The following TOX variants were observed in gnomAD, a reference collection of about 807,000 sequenced individuals.
TOX encodes the protein thymocyte selection-associated high mobility group box protein TOX.
Under a neutral mutation model 53.7 loss-of-function variants are expected in TOX, and 11 were observed. The observed-to-expected ratio is 0.20, with a 90% CI of 0.13 to 0.34. The LOEUF (loss-of-function observed/expected upper bound fraction) is 0.34, where lower values mean the gene tolerates loss of function less well. Among genes scored for constraint, TOX ranks in the 10% least tolerant of loss-of-function variants. TOX has a pLI of 1.00. For synonymous variants in TOX, 225 were observed against 245.3 expected, an observed-to-expected ratio of 0.92 and a Z score of 0.77; for missense variants, 570 against 664.6, an observed-to-expected ratio of 0.86 and a Z score of 1.56.
intron 5 of TOX, among the ~76,000 whole-genome samples, chr8:58,830,365 A>T (rs1427482525): frequency 6.6e-6 from 1 of 152,186 alleles, no homozygotes; most frequent in Non-Finnish European, 1.5e-5. Flanking sequence ...ACTAAAACAT[A>T]CGTAGATAGT....
chr8:58,992,345 G>T (rs1481324130), intron 1 of TOX, among the ~76,000 whole-genome samples: 1 of 152,038 alleles, frequency 6.6e-6, no homozygotes, highest in Non-Finnish European at 1.5e-5. Context: ...ATGCATCAAT[G>T]ATTTCAAAAA....
chr8:59,033,286 C>T (rs1335920111), intron 1 of TOX, among the ~76,000 whole-genome samples: 2 of 152,198 alleles, frequency 1.3e-5, no homozygotes, highest in African/African-American at 4.8e-5. Flanking sequence ...CATTCTATTG[C>T]CAGGCTGGTG....
chr8:59,071,022 A>C (rs1355391842), intron 1 of TOX, among the ~76,000 whole-genome samples: 2 of 152,254 alleles, frequency 1.3e-5, no homozygotes, highest in African/African-American at 4.8e-5. Flanking sequence ...GAGTGCACCT[A>C]CACAAGGGAA....
At chr8:59,003,773 A>G (rs1442577228) in intron 1 of TOX, among the ~76,000 whole-genome samples, 2 of 152,192 alleles carry the variant, frequency 1.3e-5, no homozygotes, top group African/African-American at 2.4e-5. Context: ...CCTTTGCTCA[A>G]TCCATCTTAG....
intron 3 of TOX, among the ~76,000 whole-genome samples, chr8:58,910,155 A>T (rs962039563): frequency 6.6e-6 from 1 of 152,236 alleles, no homozygotes; most frequent in Non-Finnish European, 1.5e-5. Flanking sequence ...TTTTGAAGTT[A>T]TTGCAATAGT....
chr8:58,805,608 G>C lies in TOX; in HGVS notation c.*2139C>G, dbSNP rs1011040282. 2 of 152,532 alleles carry C rather than the reference G, an allele frequency of 1.3e-5. No homozygotes were observed. Among genetic ancestry groups the C allele is most frequent in the Non-Finnish European group, 2.9e-5 (2 of 68,030 alleles). 9.4% of individuals were successfully genotyped at this position (152,532 alleles called of 1,614,324 possible). A position where few individuals can be genotyped will look rare whatever the true frequency, so the allele number is the denominator to read the frequency against. On this transcript the variant is annotated 3_prime_UTR_variant, in exon 9 of 9. Transcript: ENST00000361421. ...GTCAAAGCTGCTCATTCTCCTCCCA[G>C]TAATTACCTTCTCAGTTTAGACTTA...
intron 1 of TOX, among the ~76,000 whole-genome samples, chr8:58,960,610 T>C (rs1357269429): frequency 1.3e-5 from 2 of 152,190 alleles, no homozygotes; most frequent in Non-Finnish European, 2.9e-5. Flanking sequence ...CACAATGAAA[T>C]ACTCCTTTTT....
chr8:59,019,211 G>C (rs1269247168), intron 1 of TOX, among the ~76,000 whole-genome samples: 1 of 152,128 alleles, frequency 6.6e-6, no homozygotes, highest in Admixed American at 6.6e-5. Flanking sequence ...CTAAAATTGA[G>C]GGATAATTAC....
At chr8:58,873,958 C>CTTTTTTTTTCTTTTTTTTTTTTTTT (rs1811240193) in intron 3 of TOX, among the ~76,000 whole-genome samples, 1 of 40,128 alleles carries the variant, frequency 2.5e-5, no homozygotes, top group African/African-American at 1.7e-4. Context: ...TGCCAGGAAG[C>CTTTTTTTTTCTTTTTTTTTTTTTTT]TTTTTTTTTT....
chr8:59,069,718 C>A (rs1180735291), intron 1 of TOX, among the ~76,000 whole-genome samples: 1 of 152,072 alleles, frequency 6.6e-6, no homozygotes, highest in African/African-American at 2.4e-5. Context: ...GCTTATTGAT[C>A]TAAGAGGTCC....
intron 3 of TOX, among the ~76,000 whole-genome samples, chr8:58,859,354 A>C (rs912964504): frequency 2.0e-5 from 3 of 152,160 alleles, no homozygotes; most frequent in African/African-American, 7.2e-5. Flanking sequence ...TCAGTATTTT[A>C]ATTTAGAATA....
intron 1 of TOX, among the ~76,000 whole-genome samples, chr8:58,973,888 C>T (rs537096655): frequency 6.6e-6 from 1 of 152,164 alleles, no homozygotes; most frequent in South Asian, 2.1e-4. Flanking sequence ...ACCTCTGCCT[C>T]CCAGGTTCAA....
intron 1 of TOX, among the ~76,000 whole-genome samples, chr8:58,994,324 T>G (rs766680460): frequency 7.9e-5 from 12 of 152,046 alleles, no homozygotes; most frequent in Non-Finnish European, 1.5e-4. Context: ...ACACACGTAT[T>G]TCCATTAAGG....
At chr8:58,927,528 C>G (rs1374018422) in intron 3 of TOX, among the ~76,000 whole-genome samples, 1 of 152,174 alleles carries the variant, frequency 6.6e-6, no homozygotes, top group Non-Finnish European at 1.5e-5. Flanking sequence ...GAGAATCGCA[C>G]CTCCCACCTC....
intron 1 of TOX, among the ~76,000 whole-genome samples, chr8:59,000,291 T>C (rs1471375130): frequency 6.6e-6 from 1 of 151,956 alleles, no homozygotes; most frequent in African/African-American, 2.4e-5. Flanking sequence ...GAAGAGAAAG[T>C]GATAAGAAAG....
At chr8:58,846,727 T>C (rs1024911068) in intron 4 of TOX, among the ~76,000 whole-genome samples, 1 of 152,170 alleles carries the variant, frequency 6.6e-6, no homozygotes, top group Non-Finnish European at 1.5e-5. Flanking sequence ...GCTTTCATAC[T>C]GAAGATATTG....
At chr8:58,931,196 C>A (rs1812247938) in intron 3 of TOX, among the ~76,000 whole-genome samples, 1 of 152,032 alleles carries the variant, frequency 6.6e-6, no homozygotes, top group South Asian at 2.1e-4. Context: ...ATCAATGATG[C>A]TATTAAGGAC....
chr8:58,909,648 T>C (rs1399320780), intron 3 of TOX, among the ~76,000 whole-genome samples: 1 of 151,494 alleles, frequency 6.6e-6, no homozygotes, highest in African/African-American at 2.4e-5. Flanking sequence ...TGTCTCTTAA[T>C]TCTCTCTCTC....
chr8:58,872,690 A>G (rs1811218271), intron 3 of TOX, among the ~76,000 whole-genome samples: 1 of 152,136 alleles, frequency 6.6e-6, no homozygotes, highest in South Asian at 2.1e-4. Context: ...GACAAATCTG[A>G]TGGTCTCAAA....
Sources: gnomAD v4.1 joint callset for allele counts (sites outside exome capture counted in the v4.1 genomes callset) on GRCh38, gnomAD v4.1.1 for gene constraint, MANE v1.5 for transcripts, NCBI Gene and HGNC (gene_info 2026-07-23, HGNC 2026-07-21) for gene names.